The following THSD7A variants were observed in gnomAD, a reference collection of about 807,000 sequenced individuals.
THSD7A encodes the protein thrombospondin type 1 domain containing 7A.
Under a neutral mutation model 231.3 loss-of-function variants are expected in THSD7A, and 96 were observed. The ratio of observed to expected loss-of-function variants is 0.41; its 90% CI spans 0.35 to 0.49. The LOEUF is 0.49. Ranked by LOEUF, THSD7A falls within the 20% of genes least tolerant of loss-of-function variation. The pLI is 0.05. For synonymous variants in THSD7A, 940 were observed against 743.3 expected, an observed-to-expected ratio of 1.26 and a Z score of -4.30; for missense variants, 2,290 against 2,070.2, an observed-to-expected ratio of 1.11 and a Z score of -2.06.
At chr7:11,804,770 A>G (rs962792964) in intron 1 of THSD7A, among the ~76,000 whole-genome samples, 1 of 152,070 alleles carries the variant, frequency 6.6e-6, no homozygotes, top group African/African-American at 2.4e-5. Flanking sequence ...AAACACTTCC[A>G]TTGTTTGCTT....
chr7:11,817,357 T>A (rs1784737747), intron 1 of THSD7A, among the ~76,000 whole-genome samples: 1 of 152,218 alleles, frequency 6.6e-6, no homozygotes, highest in Non-Finnish European at 1.5e-5. Context: ...ATTGCCTGCA[T>A]GGCTAAGATA....
intron 1 of THSD7A, among the ~76,000 whole-genome samples, chr7:11,700,162 A>G (rs1270680821): frequency 1.3e-5 from 2 of 151,304 alleles, no homozygotes; most frequent in African/African-American, 4.8e-5. Flanking sequence ...ACGGGACTTT[A>G]TCTGCAGGTG....
chr7:11,517,859 G>A (rs1788098759), intron 6 of THSD7A, among the ~76,000 whole-genome samples: 1 of 152,138 alleles, frequency 6.6e-6, no homozygotes, highest in Admixed American at 6.5e-5. Context: ...TATAACTGAA[G>A]AACCAACAGA....
At chr7:11,423,429 C>T (rs891739739) in intron 16 of THSD7A, among the ~76,000 whole-genome samples, 1 of 144,996 alleles carries the variant, frequency 6.9e-6, no homozygotes, top group African/African-American at 2.6e-5. Context: ...AGTGCAGTGG[C>T]GCGATCTCGG....
chr7:11,530,879 C>T (rs913222596), intron 6 of THSD7A, among the ~76,000 whole-genome samples: 8 of 151,968 alleles, frequency 5.3e-5, no homozygotes, highest in Non-Finnish European at 1.0e-4. Flanking sequence ...TGCATGGTCG[C>T]GGGTGTCTGT....
intron 1 of THSD7A, among the ~76,000 whole-genome samples, chr7:11,723,281 C>A (rs993098901): frequency 1.2e-4 from 17 of 137,674 alleles, no homozygotes; most frequent in African/African-American, 4.7e-4. Context: ...ACAATGAGAA[C>A]ACATTGACAC....
rs550747822 is a variant in THSD7A at position 11,553,960 on chromosome 7, A to G, written c.1454-10843T>C. On this transcript the variant is annotated intron_variant, in intron 4 of 27. Transcript: ENST00000423059. ...AGATAGTTTATATATCTTATAAATT[A>G]TATCTATAATTTTTAAATTAAATGT... 6.6e-5 allele frequency among the ~76,000 whole-genome samples: 10 copies of G among 151,052 alleles called. No individual in the cohort carries two copies. In the South Asian group the frequency reaches 2.1e-3, roughly 31 times the overall value.
chr7:11,461,907 C>T (rs1785518698), intron 10 of THSD7A, 104 bp downstream of exon 10: 4 of 1,401,144 alleles, frequency 2.9e-6, no homozygotes, highest in Middle Eastern at 2.1e-4. Context: ...TCCATTGAGC[C>T]TGTGGAAGGA....
chr7:11,590,567 C>G lies in THSD7A; in HGVS notation c.1346G>C (p.Gly449Ala). The G allele has an allele frequency of 1.2e-6, 2 of 1,613,896 alleles. No individual in the cohort carries two copies. Among genetic ancestry groups the G allele is most frequent in the Non-Finnish European group, 1.7e-6 (2 of 1,179,812 alleles). ...CCCTCCACAGAGGGCCGTCTGGTTG[C>G]CGCGCCTCTTGTCCTGCTGACTGAG... is the stretch of plus-strand genomic sequence containing the variant. ...PLLSQQDKRRGNQTALCGGGI... is the reference protein window; with the variant it reads ...PLLSQQDKRRANQTALCGGGI... Residue 449 changes from glycine (G) to alanine (A), a missense_variant, in exon 4 of 28, where the codon GGC (glycine) becomes GCC (alanine). Gly to Ala is a moderately conservative substitution (Grantham distance 60). Transcript: ENST00000423059. This position sits in a 1 kb window ranked among gnomAD's most constrained non-coding sequence, Gnocchi z 4.4.
chr7:11,551,663 C>A (rs1249364677), intron 4 of THSD7A, among the ~76,000 whole-genome samples: 1 of 152,010 alleles, frequency 6.6e-6, no homozygotes, highest in African/African-American at 2.4e-5. Flanking sequence ...TCACACCAGT[C>A]AGAATGGCTA....
At chr7:11,732,413 A>G (rs1443220919) in intron 1 of THSD7A, among the ~76,000 whole-genome samples, 1 of 151,888 alleles carries the variant, frequency 6.6e-6, no homozygotes, top group Admixed American at 6.6e-5. Flanking sequence ...AGTGAGTGAA[A>G]TCATGTTAAA....
At chr7:11,384,330 C>T (rs2115307170) in intron 23 of THSD7A, 1 of 151,628 alleles carries the variant, frequency 6.6e-6, no homozygotes, top group East Asian at 1.9e-4. Context: ...AAGTTTGTGG[C>T]TTGTCCTGTA....
intron 1 of THSD7A, among the ~76,000 whole-genome samples, chr7:11,659,280 C>T (rs1205252088): frequency 2.6e-5 from 4 of 151,714 alleles, no homozygotes; most frequent in Middle Eastern, 3.4e-3. Context: ...GTCCACTTCT[C>T]ATCTGTTCTC....
At position 11,603,143 on chromosome 7, in the gene THSD7A, A is replaced by G. The variant is rs561114309; in HGVS notation, c.1023-9641T>C. ...AACCTACTCATCTGACAAAGGGCTA[A>G]TATCCAGAATCTACAATGAACTCAA... On this transcript the variant is annotated intron_variant, in intron 2 of 27. Transcript: ENST00000423059. 8.6e-5 allele frequency among the ~76,000 whole-genome samples: 13 copies of G among 151,928 alleles called. 1 individual carries two copies. The South Asian group carries it at 2.7e-3, about 32-fold the overall frequency.
intron 1 of THSD7A, among the ~76,000 whole-genome samples, chr7:11,682,839 T>A (rs189786941): frequency 6.6e-6 from 1 of 152,006 alleles, no homozygotes; most frequent in Non-Finnish European, 1.5e-5. Flanking sequence ...TATTCTATGA[T>A]TGATCACGTT....
chr7:11,486,385 G>T (rs140767042), intron 6 of THSD7A, among the ~76,000 whole-genome samples: 2 of 152,266 alleles, frequency 1.3e-5, no homozygotes, highest in South Asian at 2.1e-4. Context: ...TGGAGAAATG[G>T]AAGTTTTGCT....
chr7:11,399,547 G>C (rs1412903959), intron 23 of THSD7A, among the ~76,000 whole-genome samples: 1 of 151,950 alleles, frequency 6.6e-6, no homozygotes, highest in East Asian at 1.9e-4. Flanking sequence ...ATTCAGTTGA[G>C]ACGCATGAAA....
chr7:11,393,898 C>T lies in THSD7A; in HGVS notation c.4411+7897G>A, dbSNP rs1371986976. Among the ~76,000 whole-genome samples the T allele has an allele frequency of 2.6e-5, 4 of 151,770 alleles. No individual in the cohort carries two copies. In the East Asian group the frequency reaches 7.7e-4, roughly 29 times the overall value. On this transcript the variant is annotated intron_variant, in intron 23 of 27. Transcript: ENST00000423059. Reference sequence around the variant, plus strand: ...ACTAAATCTGCCTTTGATTGTTGTACCTGAAAGTGATGGGGAGAATGGAAC... The same window carrying T: ...ACTAAATCTGCCTTTGATTGTTGTATCTGAAAGTGATGGGGAGAATGGAAC...
chr7:11,697,483 A>G (rs192301451), intron 1 of THSD7A, among the ~76,000 whole-genome samples: 16 of 151,450 alleles, frequency 1.1e-4, no homozygotes, highest in Admixed American at 8.6e-4. Context: ...AGTATTTTGT[A>G]TGATATTTAA....
Sources: allele counts gnomAD v4.1 joint callset (sites outside exome capture counted in the v4.1 genomes callset), GRCh38; gene constraint gnomAD v4.1.1; non-coding constraint Gnocchi (gnomAD v3.1); transcripts MANE v1.5; gene names NCBI Gene and HGNC (gene_info 2026-07-23, HGNC 2026-07-21).